PLXNB2: variants seen among roughly 807,000 people sequenced by gnomAD.
PLXNB2 encodes plexin B2.
PLXNB2 carries 85 observed loss-of-function variants against 202.6 expected under a neutral mutation model. The observed-to-expected ratio is 0.42, with a 90% confidence interval of 0.35 to 0.50. PLXNB2 has a LOEUF of 0.50. Ranked by LOEUF, PLXNB2 falls within the 20% of genes least tolerant of loss-of-function variation. PLXNB2 has a pLI of 0.02. For missense variants in PLXNB2, 2,063 were observed against 2,586.2 expected, an observed-to-expected ratio of 0.80 and a Z score of 4.39; for synonymous variants, 1,239 against 1,137.6, an observed-to-expected ratio of 1.09 and a Z score of -1.79.
intron 1 of PLXNB2, among the ~76,000 whole-genome samples, chr22:50,304,120 G>A (rs1445115286): frequency 6.6e-6 from 1 of 152,150 alleles, no homozygotes; most frequent in Non-Finnish European, 1.5e-5. Flanking sequence ...CTGCAGAGGC[G>A]GGACTGTGCG....
chr22:50,293,454 A>C (rs2067029939), intron 2 of PLXNB2, among the ~76,000 whole-genome samples: 1 of 152,116 alleles, frequency 6.6e-6, no homozygotes, highest in Non-Finnish European at 1.5e-5. Flanking sequence ...GGGGCAGGCA[A>C]CGTCCAGGCC....
rs1382460521 is a variant in PLXNB2 at position 50,283,365 on chromosome 22, G to A, written c.2651C>T (p.Ser884Leu). 7 of 1,613,044 alleles carry A rather than the reference G, an allele frequency of 4.3e-6. No individual in the cohort carries two copies. Among genetic ancestry groups the A allele is most frequent in the Non-Finnish European group, 5.9e-6 (7 of 1,179,910 alleles). The change falls in exon 16 of 37, where the codon TCG becomes TTG. Residue 884 changes from serine (S) to leucine (L), a missense_variant. This residue lies in a region of PLXNB2 where 1,303 missense variants were observed against 1,476.8 expected (regional missense o/e 0.88). Coordinates refer to ENST00000359337, the MANE Select transcript of PLXNB2 (RefSeq NM_012401.4). Reference sequence around the variant, plus strand: ...GAAGGTGAACTGGACATTGGGAGGCGAACGGCCCAGTTTCCCGAAGACGTC... The same window carrying A: ...GAAGGTGAACTGGACATTGGGAGGCAAACGGCCCAGTTTCCCGAAGACGTC... The part of the protein sequence containing the change: ...EVDVFGKLGR[S>L]PPNVQFTFQQ...
chr22:50,278,629 C>T lies in PLXNB2; in HGVS notation c.4614G>A (p.Arg1538=), dbSNP rs1438344711. The change falls in exon 29 of 37, where the codon CGG becomes CGA. Residue 1538 remains arginine, a synonymous_variant. Transcript: ENST00000359337. ...DLDLTSQREG[R]WKRVNTLMHY... ...GCATAAGGGTGTTGACGCGCTTCCA[C>T]CGGCCCTCCCGCTGTGACGTCAGGT... 3 of 1,613,058 alleles carry T rather than the reference C, an allele frequency of 1.9e-6. No homozygotes were observed. Among genetic ancestry groups the T allele is most frequent in the Non-Finnish European group, 2.5e-6 (3 of 1,179,856 alleles).
chr22:50,303,160 C>T (rs77656965), intron 1 of PLXNB2, among the ~76,000 whole-genome samples: 3,243 of 152,124 alleles, frequency 0.021, 116 homozygotes, highest in African/African-American at 0.074. Flanking sequence ...TCCTCAGAGC[C>T]CCAGAACTCA....
At chr22:50,280,718 TCCCG>T in intron 24 of PLXNB2, 22 bp downstream of exon 24, 1 of 696,454 alleles carries the variant, frequency 1.4e-6, no homozygotes, top group African/African-American at 2.0e-5. Context: ...CTGTGTGCCC[TCCCG>T]CCCGCCCGAC....
chr22:50,299,594 G>T (rs1257106588), intron 1 of PLXNB2, among the ~76,000 whole-genome samples: 1 of 152,226 alleles, frequency 6.6e-6, no homozygotes, highest in African/African-American at 2.4e-5. Flanking sequence ...ACAAGCGCGA[G>T]GGGGGTGCCG....
Position 50,281,167 on chromosome 22 carries a change from G to A in PLXNB2, c.3685C>T (p.Arg1229Ter). ...CYWRKSQQAE[R>*]EYEKIKSQLE... is the part of the protein sequence containing the mutation. ...TGGGACTTGATCTTCTCATACTCTC[G>A]TTCGGCCTGCTGGCTCTTCCTCCTG... Residue 1229 changes from arginine to a stop codon, truncating the protein, a stop_gained, in exon 23 of 37, where the codon CGA becomes TGA. Coordinates refer to ENST00000359337, the MANE Select transcript of PLXNB2 (RefSeq NM_012401.4). LOFTEE classifies it high-confidence loss of function. The A allele has an allele frequency of 6.2e-7, 1 of 1,612,826 alleles. No homozygotes were observed. The highest frequency in any genetic ancestry group is 1.1e-5 in the South Asian group (1 of 91,048).
At chr22:50,286,476 A>G (rs1260072753) in intron 8 of PLXNB2, among the ~76,000 whole-genome samples, 189 bp from the exon 9 acceptor site, 1 of 152,136 alleles carries the variant, frequency 6.6e-6, no homozygotes. Flanking sequence ...TGGGGCTGCC[A>G]GGACGCCCGT....
chr22:50,285,945 G>A lies in PLXNB2; in HGVS notation c.1987-44C>T, dbSNP rs760958966. 6.9e-6 allele frequency: 11 copies of A among 1,601,730 alleles called. No homozygotes were observed. The East Asian group carries it at 1.8e-4, about 26-fold the overall frequency. ...TCAGGTGCTGCCTGGGCACAGCGGAGCAGCCATGCCCTGAACAGTCCCCTG... is the reference window on the plus strand; with the variant it reads ...TCAGGTGCTGCCTGGGCACAGCGGAACAGCCATGCCCTGAACAGTCCCCTG... On this transcript the variant is annotated intron_variant, in intron 10 of 36. Transcript: ENST00000359337.
rs550402165 is a variant in PLXNB2, at chr22:50,297,937, C to T, written c.-73-3159G>A. Among the ~76,000 whole-genome samples, 1 of 152,206 alleles carries T rather than the reference C, an allele frequency of 6.6e-6. No individual in the cohort carries two copies. The highest frequency in any genetic ancestry group is 1.5e-5 in the Non-Finnish European group (1 of 68,028). On this transcript the variant is annotated intron_variant, in intron 1 of 36. Transcript: ENST00000359337. The surrounding 1 kb of genome is among the most constrained non-coding windows in gnomAD (Gnocchi z 5.3). ...AGAACGCTGCCTCACGACATTCCCA[C>T]GTCCATGTTCACTGTGCTCCCTGGA...
At chr22:50,298,692 C>G (rs1488189983) in intron 1 of PLXNB2, among the ~76,000 whole-genome samples, 2 of 152,222 alleles carry the variant, frequency 1.3e-5, no homozygotes, top group Admixed American at 1.3e-4. Flanking sequence ...GTCACCCAGG[C>G]TGGAGTGTAG....
At chr22:50,276,591 G>A (rs376295011) in intron 35 of PLXNB2, 38 bp downstream of exon 35, 41 of 1,517,236 alleles carry the variant, frequency 2.7e-5, no homozygotes, top group Middle Eastern at 1.7e-4. Context: ...TAGTGGGAGC[G>A]GGGAGGGCTG....
In PLXNB2 at chr22:50,294,760, A is replaced by C. The variant is rs1384709530; in HGVS notation, c.-55T>G. On this transcript the variant is annotated 5_prime_UTR_variant, in exon 2 of 37. Transcript: ENST00000359337. Reference sequence around the variant, plus strand: ...AGTGGTCCAGCTCAGTTTCTGCTCCAGGCCAGCATCGAGATTCTCTAGGAG... The same window carrying C: ...AGTGGTCCAGCTCAGTTTCTGCTCCCGGCCAGCATCGAGATTCTCTAGGAG... 8 of 985,586 alleles carry C rather than the reference A, an allele frequency of 8.1e-6. No homozygotes were observed. Among genetic ancestry groups the C allele is most frequent in the Non-Finnish European group, 9.6e-6 (8 of 830,042 alleles). The allele number at this position is 985,586 out of a possible 1,614,324, so 61.1% of individuals were successfully genotyped here. A position where few individuals can be genotyped will look rare whatever the true frequency, so the allele number is the denominator to read the frequency against.
Position 50,281,111 on chromosome 22 carries a change from G to A in PLXNB2, c.3741C>T (p.Asp1247=). The A allele has an allele frequency of 6.2e-7, 1 of 1,613,154 alleles. No individual in the cohort carries two copies. The highest frequency in any genetic ancestry group is 1.3e-5 in the African/African-American group (1 of 75,042). Residue 1247 remains aspartate, a synonymous_variant, in exon 23 of 37, where the codon GAC becomes GAT. Coordinates refer to ENST00000359337, the MANE Select transcript of PLXNB2 (RefSeq NM_012401.4). The part of the protein sequence containing the change: ...QLEGLEESVR[D]RCKKEFTDLM... ...TACCTGTGAATTCCTTCTTGCAGCG[G>A]TCCCGCACGCTCTCCTCCAGGCCCT...
chr22:50,282,946 G>A, intron 17 of PLXNB2, 65 bp from the exon 18 acceptor site: 1 of 1,556,584 alleles, frequency 6.4e-7, no homozygotes, highest in Non-Finnish European at 8.7e-7. Context: ...GCCCGACCAG[G>A]CTGGCCCCGC....
intron 2 of PLXNB2, 31 bp downstream of exon 2, chr22:50,294,688 A>AC: frequency 1.0e-6 from 1 of 959,794 alleles, no homozygotes; most frequent in Non-Finnish European, 1.2e-6. Context: ...AGCCCCAGCC[A>AC]CCCACTGCCT....
Position 50,281,513 on chromosome 22 carries a change from C to T in PLXNB2, c.3523-14G>A, listed in dbSNP as rs201682039. 3.8e-5 allele frequency: 61 copies of T among 1,610,016 alleles called. No individual in the cohort carries two copies. Among genetic ancestry groups the T allele is most frequent in the Non-Finnish European group, 4.7e-5 (55 of 1,178,702 alleles). On this transcript the variant is annotated splice_polypyrimidine_tract_variant and intron_variant, in intron 21 of 36. Coordinates refer to ENST00000359337, the MANE Select transcript of PLXNB2 (RefSeq NM_012401.4). ...GCCGAACTTCACCTGTGTGGGGGGCCGGGTTCAGCGCGGTCCCGTGGGGGC... is the reference window on the plus strand; with the variant it reads ...GCCGAACTTCACCTGTGTGGGGGGCTGGGTTCAGCGCGGTCCCGTGGGGGC...
chr22:50,290,058 G>T lies in PLXNB2; in HGVS notation c.527C>A (p.Pro176Gln). 6.2e-7 allele frequency: 1 copy of T among 1,613,396 alleles called. No individual in the cohort carries two copies. Among genetic ancestry groups the T allele is most frequent in the Non-Finnish European group, 8.5e-7 (1 of 1,180,020 alleles). Residue 176 changes from proline to glutamine, a missense_variant, in exon 3 of 37, where the codon CCA (proline) becomes CAA (glutamine). Transcript: ENST00000359337. ...RVLFVGKGNG[P>Q]HDNGIIVSTR... ...GCTCACGATGATGCCGTTGTCGTGT[G>T]GCCCATTGCCTTTGCCCACAAACAG...
At chr22:50,276,518 C>T in intron 35 of PLXNB2, 111 bp downstream of exon 35, 1 of 949,166 alleles carries the variant, frequency 1.1e-6, no homozygotes, top group Non-Finnish European at 1.7e-6. Flanking sequence ...CCGCCCCACC[C>T]TCTCTCCCCC....
Sources: gnomAD v4.1 joint callset for allele counts (sites outside exome capture counted in the v4.1 genomes callset) on GRCh38, gnomAD v4.1.1 for gene constraint, gnomAD v4.1.1 regional missense constraint, Gnocchi (gnomAD v3.1) non-coding constraint, MANE v1.5 for transcripts, NCBI Gene and HGNC (gene_info 2026-07-23, HGNC 2026-07-21) for gene names.